The following SYNE2 variants were observed in gnomAD, a reference collection of about 807,000 sequenced individuals.
The protein encoded by SYNE2 is spectrin repeat containing nuclear envelope protein 2.
SYNE2 carries 431 observed loss-of-function variants against 856.3 expected under a neutral mutation model. The ratio of observed to expected loss-of-function variants is 0.50; its 90% CI spans 0.47 to 0.55. SYNE2 has a LOEUF of 0.55. SYNE2 is among the 20% of genes least tolerant of loss of function. The pLI is 0.00. For missense variants in SYNE2, 8,129 were observed against 8,023.2 expected, an observed-to-expected ratio of 1.01 and a Z score of -0.50; for synonymous variants, 2,923 against 2,872.3, an observed-to-expected ratio of 1.02 and a Z score of -0.56.
At chr14:64,125,286 A>T in intron 71 of SYNE2, 76 bp downstream of exon 71, 1 of 1,594,552 alleles carries the variant, frequency 6.3e-7, no homozygotes, top group Non-Finnish European at 8.6e-7. Context: ...TGACTTGGTC[A>T]TAATTGTCGT....
intron 18 of SYNE2, among the ~76,000 whole-genome samples, chr14:63,985,414 A>G (rs981725304): frequency 6.6e-6 from 1 of 152,216 alleles, no homozygotes; most frequent in African/African-American, 2.4e-5. Flanking sequence ...TTAAGAAATA[A>G]TGTATCTATC....
intron 38 of SYNE2, 76 bp from the exon 39 acceptor site, chr14:64,024,180 GA>G: frequency 1.5e-6 from 2 of 1,331,586 alleles, no homozygotes; most frequent in Non-Finnish European, 2.1e-6. Context: ...TACTGGTTTG[GA>G]AAAGTGTCGT....
chr14:64,073,388 T>C (rs1409116562), intron 52 of SYNE2, among the ~76,000 whole-genome samples: 1 of 152,154 alleles, frequency 6.6e-6, no homozygotes, highest in Non-Finnish European at 1.5e-5. Context: ...AATCAAGTAT[T>C]AGAACAAAAG....
At chr14:64,006,961 G>C in intron 30 of SYNE2, 82 bp from the exon 31 acceptor site, 1 of 1,101,042 alleles carries the variant, frequency 9.1e-7, no homozygotes, top group East Asian at 2.4e-5. Flanking sequence ...TAAAGTTAGT[G>C]TGCCTCCCCA....
intron 8 of SYNE2, among the ~76,000 whole-genome samples, chr14:63,960,083 G>A (rs1399022844): frequency 6.6e-6 from 1 of 152,160 alleles, no homozygotes; most frequent in Non-Finnish European, 1.5e-5. Context: ...ATCTTCACGT[G>A]TGGCTTCGTA....
Position 64,218,480 on chromosome 14 carries a change from G to T in SYNE2, c.19625G>T (p.Gly6542Val). Residue 6542 changes from glycine to valine, a missense_variant, in exon 109 of 116, where the codon GGG (glycine) becomes GTG (valine). Gly to Val is a moderately radical substitution (Grantham distance 109). This residue lies in a region of SYNE2 where 5,410 missense variants were observed against 5,284.8 expected (regional missense o/e 1.02). Transcript: ENST00000555002. ...AATGGCAACCCACAGCAGGAAGACG[G>T]GGGACTGGCCGGTATCACAGAGCAG... is the stretch of plus-strand genomic sequence containing the variant. ...VLNGNPQQED[G>V]GLAGITEQQS... The T allele has an allele frequency of 6.2e-7, 1 of 1,614,012 alleles. No homozygotes were observed. The highest frequency in any genetic ancestry group is 1.1e-5 in the South Asian group (1 of 91,062).
intron 6 of SYNE2, among the ~76,000 whole-genome samples, chr14:63,946,654 A>AAT (rs991800927): frequency 2.9e-4 from 28 of 96,572 alleles, no homozygotes; most frequent in African/African-American, 1.4e-3. Context: ...TATATGATAT[A>AAT]ATATATATAC....
rs528265665 is a variant in SYNE2 at position 64,075,770 on chromosome 14, A to G, written c.10867-175A>G. The stretch of plus-strand genomic sequence containing the variant: ...TAATTCTTACAAATTAGAAAGCATC[A>G]TCTGACTAAACTGAGTGTCTCTGGG... On this transcript the variant is annotated intron_variant, in intron 53 of 115. Transcript: ENST00000555002. 3 of 630,092 alleles carry G rather than the reference A, an allele frequency of 4.8e-6. No homozygotes were observed. The East Asian group carries it at 8.5e-5, about 18-fold the overall frequency. 39.0% of individuals were successfully genotyped at this position (630,092 alleles called of 1,614,324 possible). A position where few individuals can be genotyped will look rare whatever the true frequency, so the allele number is the denominator to read the frequency against.
Position 64,019,251 on chromosome 14 carries a change from C to T in SYNE2, c.5050-741C>T, listed in dbSNP as rs117231443. On this transcript the variant is annotated intron_variant, in intron 34 of 115. Transcript: ENST00000555002. ...TTGCACCACTGTACTCCATCCTGAACGACAAAGGGAGACTCCGTCTCAAAA... is the reference window on the plus strand; with the variant it reads ...TTGCACCACTGTACTCCATCCTGAATGACAAAGGGAGACTCCGTCTCAAAA... 2.5e-3 allele frequency among the ~76,000 whole-genome samples: 356 copies of T among 144,522 alleles called. 6 individuals carry two copies. The highest frequency in any genetic ancestry group is 0.018 in the East Asian group (87 of 4,914). 94.8% of individuals were successfully genotyped at this position (144,522 alleles called of 152,430 possible). A position where few individuals can be genotyped will look rare whatever the true frequency, so the allele number is the denominator to read the frequency against.
intron 85 of SYNE2, among the ~76,000 whole-genome samples, chr14:64,154,117 G>T (rs1463943462): frequency 6.6e-6 from 1 of 151,178 alleles, no homozygotes; most frequent in African/African-American, 2.4e-5. Context: ...ATCATTTGAG[G>T]CAAGGAATTC....
intron 85 of SYNE2, among the ~76,000 whole-genome samples, chr14:64,157,757 T>G (rs901101010): frequency 6.6e-6 from 1 of 152,256 alleles, no homozygotes; most frequent in African/African-American, 2.4e-5. Context: ...ATCTGACTTT[T>G]TGATTATGGC....
rs116823334 is a variant in SYNE2 at position 64,137,821 on chromosome 14, G to T, written c.14681G>T (p.Arg4894Leu). 1 of 1,613,998 alleles carries T rather than the reference G, an allele frequency of 6.2e-7. No homozygotes were observed. The highest frequency in any genetic ancestry group is 1.3e-5 in the African/African-American group (1 of 74,874). ...AGAAACATTGGTGGAAAACACGCCC[G>T]GCTTTACCAAACTCTGAACGAAGGC... ...IKRNIGGKHARLYQTLNEGKQ... is the reference protein window; with the variant it reads ...IKRNIGGKHALLYQTLNEGKQ... The change falls in exon 79 of 116, where the codon CGG becomes CTG. Residue 4894 changes from arginine to leucine, a missense_variant. Arg to Leu is a moderately radical substitution (Grantham distance 102). This residue lies in a region of SYNE2 where 5,410 missense variants were observed against 5,284.8 expected (regional missense o/e 1.02). Transcript: ENST00000555002.
chr14:64,167,639 G>A lies in SYNE2; in HGVS notation c.16905G>A (p.Lys5635=), dbSNP rs1318968542. 6.2e-7 allele frequency: 1 copy of A among 1,614,010 alleles called. No individual in the cohort carries two copies. The highest frequency in any genetic ancestry group is 1.3e-5 in the African/African-American group (1 of 74,898). ...TCCTGGAGCAGCAGAAAACCTATAA[G>A]GTAAACCTGTGTTCTCTGCCACCCT... ...PELLEQQKTY[K]MLEAEVSINQ... is the part of the protein sequence containing the mutation. Residue 5635 remains lysine, a splice_region_variant and synonymous_variant, in exon 92 of 116, where the codon AAG becomes AAA. Transcript: ENST00000555002.
chr14:64,147,244 A>C (rs1211064468), intron 84 of SYNE2, among the ~76,000 whole-genome samples: 1 of 152,140 alleles, frequency 6.6e-6, no homozygotes, highest in Non-Finnish European at 1.5e-5. Context: ...GGCTTCCTTC[A>C]GACCACCCTC....
chr14:64,140,930 A>G (rs551668885), intron 80 of SYNE2, among the ~76,000 whole-genome samples: 2 of 152,008 alleles, frequency 1.3e-5, no homozygotes, highest in South Asian at 2.1e-4. Context: ...CGTAGCTATG[A>G]TTACTAACTT....
In SYNE2 at chr14:64,159,591, G is replaced by A. The variant is rs926485245; in HGVS notation, c.16094+149G>A. 17 of 908,586 alleles carry A rather than the reference G, an allele frequency of 1.9e-5. No homozygotes were observed. In the South Asian group the frequency reaches 2.5e-4, roughly 13 times the overall value. 56.3% of individuals were successfully genotyped at this position (908,586 alleles called of 1,614,324 possible). The stretch of plus-strand genomic sequence containing the variant: ...GGTCTCTTCTGCTTTGATGAATCTA[G>A]TCTATGTAAGATTCTATGTCATGAG... On this transcript the variant is annotated intron_variant, in intron 87 of 115. Coordinates refer to ENST00000555002, the MANE Select transcript of SYNE2 (RefSeq NM_182914.3).
intron 1 of SYNE2, among the ~76,000 whole-genome samples, chr14:63,774,624 T>C (rs1887045710): frequency 6.6e-6 from 1 of 151,842 alleles, no homozygotes; most frequent in East Asian, 1.9e-4. Context: ...AGCCCCCATG[T>C]CCCAGGATCA....
chr14:63,876,642 C>T (rs2094727972), intron 1 of SYNE2, among the ~76,000 whole-genome samples: 1 of 152,000 alleles, frequency 6.6e-6, no homozygotes, highest in Non-Finnish European at 1.5e-5. Flanking sequence ...CGCCCACCAC[C>T]ACGCCCGGCT....
chr14:63,893,547 G>A (rs939434610), intron 1 of SYNE2, among the ~76,000 whole-genome samples: 1 of 152,174 alleles, frequency 6.6e-6, no homozygotes, highest in African/African-American at 2.4e-5. Context: ...CTGGGCAATA[G>A]AGCAAGTCCC....
Sources: allele counts gnomAD v4.1 joint callset (sites outside exome capture counted in the v4.1 genomes callset), GRCh38; gene constraint gnomAD v4.1.1; regional missense constraint gnomAD v4.1.1; transcripts MANE v1.5; gene names NCBI Gene and HGNC (gene_info 2026-07-23, HGNC 2026-07-21).